The following UPP2 variants were observed in gnomAD, a reference collection of about 807,000 sequenced individuals.
The protein encoded by UPP2 is uridine phosphorylase 2.
A neutral mutation model predicts 26.7 loss-of-function variants in UPP2; 23 were observed. The observed-to-expected ratio is 0.86, with a 90% CI of 0.62 to 1.22. The LOEUF is 1.22. Among genes scored for constraint, UPP2 ranks in the 50% most tolerant of loss-of-function variants. The pLI is 0.00. For synonymous variants in UPP2, 127 were observed against 141.3 expected (o/e 0.90, Z 0.72); for missense variants, 387 against 396.7 (o/e 0.98, Z 0.21).
intron 6 of UPP2, among the ~76,000 whole-genome samples, chr2:158,125,905 T>C (rs1165630948): frequency 2.6e-5 from 4 of 152,234 alleles, no homozygotes; most frequent in Non-Finnish European, 5.9e-5. Flanking sequence ...CATAAACAAG[T>C]GATCACTTGA....
intron 6 of UPP2, chr2:158,127,907 C>T: frequency 1.4e-6 from 1 of 737,512 alleles, no homozygotes; most frequent in Non-Finnish European, 1.7e-6. Flanking sequence ...GTGCAATGCT[C>T]AATAAATGCA....
intron 3 of UPP2, among the ~76,000 whole-genome samples, chr2:158,067,752 C>T (rs2024127): frequency 0.77 from 117,362 of 152,048 alleles, 46,330 homozygotes; most frequent in African/African-American, 0.93. Context: ...ATTGGAGGTA[C>T]ATTTTATTTT....
At chr2:158,008,470 A>T (rs1244662620) in intron 2 of UPP2, among the ~76,000 whole-genome samples, 3 of 152,178 alleles carry the variant, frequency 2.0e-5, no homozygotes, top group African/African-American at 7.2e-5. Context: ...ATGTTATTTG[A>T]CTTAGGCTAA....
intron 3 of UPP2, among the ~76,000 whole-genome samples, chr2:158,022,772 T>G (rs1683772821): frequency 6.6e-6 from 1 of 152,180 alleles, no homozygotes; most frequent in Non-Finnish European, 1.5e-5. Flanking sequence ...ATAGTCAGCT[T>G]GCATCTTCTT....
At chr2:158,038,402 T>C (rs1053963894) in intron 3 of UPP2, among the ~76,000 whole-genome samples, 3 of 152,252 alleles carry the variant, frequency 2.0e-5, no homozygotes, top group Non-Finnish European at 2.9e-5. Flanking sequence ...AACCCCATTT[T>C]GATTGCATCA....
chr2:158,009,866 G>T (rs560516341), intron 2 of UPP2, among the ~76,000 whole-genome samples: 2 of 152,204 alleles, frequency 1.3e-5, no homozygotes, highest in African/African-American at 4.8e-5. Context: ...GCTATGCAGG[G>T]TTACTTTCCT....
At chr2:158,119,498 T>C (rs909027881) in intron 4 of UPP2, among the ~76,000 whole-genome samples, 3 of 152,086 alleles carry the variant, frequency 2.0e-5, no homozygotes, top group African/African-American at 4.8e-5. Flanking sequence ...ACATGATCCC[T>C]TCCTACATGA....
intron 3 of UPP2, among the ~76,000 whole-genome samples, chr2:158,076,999 A>T (rs1470291601): frequency 2.6e-5 from 4 of 152,164 alleles, no homozygotes; most frequent in Non-Finnish European, 5.9e-5. Context: ...AACATACGAA[A>T]ATCAGTAGCA....
intron 3 of UPP2, among the ~76,000 whole-genome samples, chr2:158,088,248 T>G (rs764869660): frequency 2.0e-4 from 31 of 152,146 alleles, no homozygotes; most frequent in Non-Finnish European, 3.2e-4. Flanking sequence ...AGCTCTGAAG[T>G]TCTTTATTCT....
At chr2:158,036,469 C>G (rs930762063) in intron 3 of UPP2, among the ~76,000 whole-genome samples, 1 of 152,160 alleles carries the variant, frequency 6.6e-6, no homozygotes, top group Non-Finnish European at 1.5e-5. Flanking sequence ...CAGCATTCAT[C>G]ACCAGGCCAT....
chr2:158,025,768 A>G (rs137919875), intron 3 of UPP2, among the ~76,000 whole-genome samples: 4 of 152,318 alleles, frequency 2.6e-5, no homozygotes, highest in African/African-American at 4.8e-5. Flanking sequence ...TAGTTCAGAG[A>G]GCAACTCCTG....
chr2:158,051,157 A>ATGTGTGTGTGTGTGTGTGTGTGTG (rs57745839), intron 3 of UPP2, among the ~76,000 whole-genome samples: 1 of 144,986 alleles, frequency 6.9e-6, no homozygotes, highest in African/African-American at 2.6e-5. Flanking sequence ...CTCTAGGAAT[A>ATGTGTGTGTGTGTGTGTGTGTGTG]TGTGTGTGTG....
intron 3 of UPP2, among the ~76,000 whole-genome samples, chr2:158,047,298 A>C (rs1684170113): frequency 6.6e-6 from 1 of 152,224 alleles, no homozygotes; most frequent in African/African-American, 2.4e-5. Context: ...TTAGGTGATG[A>C]AAACTTTAGC....
chr2:158,074,912 A>C (rs150830315), intron 3 of UPP2, among the ~76,000 whole-genome samples: 39 of 152,100 alleles, frequency 2.6e-4, no homozygotes, highest in South Asian at 2.1e-3. Flanking sequence ...ATAGACTGCA[A>C]ATAAAGGGCT....
In UPP2 at chr2:158,135,408, T is replaced by C. The variant is rs996043114; in HGVS notation, c.*518T>C. On this transcript the variant is annotated 3_prime_UTR_variant, in exon 7 of 7. Transcript: ENST00000005756. ...TATGGCCATACTGCTTTTTTACCCC[T>C]GCACTATTTCAGTGCACCACAGAAT... The C allele has an allele frequency of 6.6e-6, 1 of 152,368 alleles. No individual in the cohort carries two copies. The highest frequency in any genetic ancestry group is 2.4e-5 in the African/African-American group (1 of 41,472). The allele number at this position is 152,368 out of a possible 1,614,324, so 9.4% of individuals were successfully genotyped here.
At chr2:158,036,550 A>G (rs990091330) in intron 3 of UPP2, among the ~76,000 whole-genome samples, 11 of 152,212 alleles carry the variant, frequency 7.2e-5, no homozygotes, top group African/African-American at 1.7e-4. Flanking sequence ...CAGTGGTGCC[A>G]TTTTATGTAC....
At position 158,021,633 on chromosome 2, in the gene UPP2, G is replaced by A. The variant is rs181063977; in HGVS notation, c.147+5747G>A. On this transcript the variant is annotated intron_variant, in intron 3 of 9. Coordinates refer to the UPP2 transcript ENST00000605860. The stretch of plus-strand genomic sequence containing the variant: ...ACCTGTCACTATGATTTCCCATGGA[G>A]ATATTTAGATAGATTTATCAAAGTT... Among the ~76,000 whole-genome samples, 3 of 152,318 alleles carry A rather than the reference G, an allele frequency of 2.0e-5. No homozygotes were observed. In the East Asian group the frequency reaches 5.8e-4, roughly 29 times the overall value.
chr2:158,046,052 G>T (rs1448748708), intron 3 of UPP2, among the ~76,000 whole-genome samples: 2 of 152,162 alleles, frequency 1.3e-5, no homozygotes, highest in South Asian at 2.1e-4. Flanking sequence ...AGAAGGAAAA[G>T]AAATAAGATT....
intron 3 of UPP2, among the ~76,000 whole-genome samples, chr2:158,040,255 C>T (rs1172380798): frequency 6.6e-6 from 1 of 152,126 alleles, no homozygotes; most frequent in Non-Finnish European, 1.5e-5. Flanking sequence ...ATTTCTAACT[C>T]TATTTGTTGA....
Sources: gnomAD v4.1 joint callset for allele counts (sites outside exome capture counted in the v4.1 genomes callset) on GRCh38, gnomAD v4.1.1 for gene constraint, MANE v1.5 for transcripts, NCBI Gene and HGNC (gene_info 2026-07-23, HGNC 2026-07-21) for gene names.